CAMK4: variants seen among roughly 807,000 people sequenced by gnomAD.
CAMK4 encodes the protein calcium/calmodulin dependent protein kinase IV.
CAMK4 carries 22 observed loss-of-function variants against 44.9 expected under a neutral mutation model. That is an observed-to-expected ratio of 0.49 (90% CI 0.35 to 0.70). The LOEUF (loss-of-function observed/expected upper bound fraction) is 0.70, where lower values mean the gene tolerates loss of function less well. Ranked by LOEUF, CAMK4 falls within the 30% of genes least tolerant of loss-of-function variation. The probability of loss-of-function intolerance (pLI) is 0.01; values close to 1 mark genes in which losing one functional copy is unlikely to be tolerated. For missense variants in CAMK4, 498 were observed against 586.8 expected, an observed-to-expected ratio of 0.85 and a Z score of 1.56; for synonymous variants, 218 against 215.4, an observed-to-expected ratio of 1.01 and a Z score of -0.11.
At position 111,224,965 on chromosome 5, in the gene CAMK4, C is replaced by G. The variant is rs559939089; in HGVS notation, c.161+321C>G. On this transcript the variant is annotated intron_variant, in intron 1 of 10. Coordinates refer to ENST00000282356, the MANE Select transcript of CAMK4 (RefSeq NM_001744.6). The surrounding 1 kb of genome is among the most constrained non-coding windows in gnomAD (Gnocchi z 5.7). ...CTTTCCCAATTGATATCTTTGCTCA[C>G]GATTATAGCTTGCCAGAGGGTCCTG... is the stretch of plus-strand genomic sequence containing the variant. Among the ~76,000 whole-genome samples the G allele has an allele frequency of 1.3e-5, 2 of 152,116 alleles. No individual in the cohort carries two copies. Among genetic ancestry groups the G allele is most frequent in the South Asian group, 4.1e-4 (2 of 4,828 alleles).
intron 1 of CAMK4, among the ~76,000 whole-genome samples, chr5:111,267,716 A>T (rs1248848910): frequency 1.3e-5 from 2 of 151,394 alleles, no homozygotes; most frequent in East Asian, 3.9e-4. Flanking sequence ...AAAAAAAAAA[A>T]AAAAAAAAAA....
At chr5:111,411,645 G>A (rs1174653089) in intron 5 of CAMK4, among the ~76,000 whole-genome samples, 1 of 152,064 alleles carries the variant, frequency 6.6e-6, no homozygotes, top group Non-Finnish European at 1.5e-5. Flanking sequence ...TCTCCTTTGT[G>A]ATCATCACTA....
At chr5:111,341,871 T>G (rs1749660009) in intron 1 of CAMK4, among the ~76,000 whole-genome samples, 1 of 151,364 alleles carries the variant, frequency 6.6e-6, no homozygotes, top group Non-Finnish European at 1.5e-5. Context: ...CCTTATTATT[T>G]TGCTCACCTC....
intron 1 of CAMK4, among the ~76,000 whole-genome samples, 163 bp from the exon 2 acceptor site, chr5:111,343,859 TAA>T (rs34578342): frequency 0.87 from 131,162 of 151,406 alleles, 57,130 homozygotes; most frequent in East Asian, 1. Flanking sequence ...TCAATTGTGA[TAA>T]AAAAAAAAAT....
chr5:111,361,934 G>A (rs1750608652), intron 2 of CAMK4, among the ~76,000 whole-genome samples: 1 of 151,980 alleles, frequency 6.6e-6, no homozygotes, highest in Admixed American at 6.6e-5. Flanking sequence ...TCTGACTGGG[G>A]TGGAACATTT....
Position 111,407,308 on chromosome 5 carries a change from G to A in CAMK4, c.459+12526G>A, listed in dbSNP as rs191072147. Among the ~76,000 whole-genome samples the A allele has an allele frequency of 6.4e-4, 95 of 149,424 alleles. No individual in the cohort carries two copies. In the East Asian group the frequency reaches 0.016, roughly 26 times the overall value. On this transcript the variant is annotated intron_variant, in intron 5 of 10. Transcript: ENST00000282356. ...GGAGGTTGCAGTAAGCTGAGATCGC[G>A]CCACTGCACTCTAGCCTGGGTGACA...
intron 7 of CAMK4, among the ~76,000 whole-genome samples, chr5:111,457,905 A>G (rs1020425515): frequency 7.2e-5 from 11 of 152,220 alleles, no homozygotes; most frequent in African/African-American, 2.7e-4. Flanking sequence ...CATTTTTACA[A>G]TGAACTTTTA....
intron 7 of CAMK4, among the ~76,000 whole-genome samples, chr5:111,463,155 G>A (rs1754698917): frequency 6.6e-6 from 1 of 152,148 alleles, no homozygotes. Context: ...ATTTTAGGAA[G>A]TGGTAGACAG....
chr5:111,447,712 C>A (rs1754078508), intron 6 of CAMK4, among the ~76,000 whole-genome samples: 2 of 152,180 alleles, frequency 1.3e-5, no homozygotes, highest in African/African-American at 2.4e-5. Flanking sequence ...TCGTGCTAAT[C>A]TGCGAAGTTC....
intron 6 of CAMK4, among the ~76,000 whole-genome samples, chr5:111,447,185 G>C (rs1754059649): frequency 1.3e-5 from 2 of 152,110 alleles, no homozygotes; most frequent in Admixed American, 6.5e-5. Context: ...AAAATATTTA[G>C]CACATATTAG....
intron 1 of CAMK4, among the ~76,000 whole-genome samples, chr5:111,332,173 G>A (rs1011631696): frequency 9.9e-5 from 15 of 151,028 alleles, no homozygotes; most frequent in Non-Finnish European, 1.8e-4. Context: ...CTGGTGTGCT[G>A]CACCCATTAA....
intron 5 of CAMK4, among the ~76,000 whole-genome samples, chr5:111,413,377 G>A (rs1167287896): frequency 6.6e-6 from 1 of 152,052 alleles, no homozygotes; most frequent in Non-Finnish European, 1.5e-5. Flanking sequence ...AGGAGTTTGA[G>A]ACCAGCCTGG....
chr5:111,469,206 T>TATATA (rs1754976242), intron 7 of CAMK4, among the ~76,000 whole-genome samples: 1 of 135,000 alleles, frequency 7.4e-6, no homozygotes, highest in African/African-American at 2.8e-5. Context: ...TATATATATA[T>TATATA]TTGAAAGTTA....
intron 5 of CAMK4, among the ~76,000 whole-genome samples, chr5:111,407,244 G>A (rs539881821): frequency 3.3e-5 from 5 of 151,774 alleles, no homozygotes; most frequent in African/African-American, 7.2e-5. Context: ...CCACCTACTC[G>A]AGAGGCTGAG....
rs550884531 is a variant in CAMK4 at position 111,389,484 on chromosome 5, A to G, written c.387-5226A>G. On this transcript the variant is annotated intron_variant, in intron 4 of 10. Coordinates refer to ENST00000282356, the MANE Select transcript of CAMK4 (RefSeq NM_001744.6). ...GGAGATTGTAGTGGGTGAAGCACCT[A>G]CTTTATGAAGAGTGATGATGCCTCT... Among the ~76,000 whole-genome samples, 379 of 152,306 alleles carry G rather than the reference A, an allele frequency of 2.5e-3. 2 individuals carry two copies. Among genetic ancestry groups the G allele is most frequent in the African/African-American group, 8.9e-3 (369 of 41,568 alleles).
At chr5:111,254,278 T>C (rs1749643096) in intron 1 of CAMK4, among the ~76,000 whole-genome samples, 1 of 152,178 alleles carries the variant, frequency 6.6e-6, no homozygotes, top group Non-Finnish European at 1.5e-5. Flanking sequence ...GAAATGAATT[T>C]AGGGTAGGGG....
intron 2 of CAMK4, among the ~76,000 whole-genome samples, chr5:111,351,317 C>T (rs1010152887): frequency 1.3e-5 from 2 of 152,120 alleles, no homozygotes; most frequent in Non-Finnish European, 2.9e-5. Context: ...GACATTAGCT[C>T]CCACATCCAC....
chr5:111,270,228 T>G (rs1302499118), intron 1 of CAMK4: 2 of 152,204 alleles, frequency 1.3e-5, no homozygotes, highest in Non-Finnish European at 2.9e-5. Context: ...AAAATAAAAG[T>G]TAGTTGATAT....
intron 2 of CAMK4, among the ~76,000 whole-genome samples, chr5:111,368,896 G>T (rs1368182084): frequency 6.6e-6 from 1 of 151,752 alleles, no homozygotes; most frequent in African/African-American, 2.4e-5. Context: ...GCAGAAATGA[G>T]ACTATATTGA....
Sources: allele counts gnomAD v4.1 joint callset (sites outside exome capture counted in the v4.1 genomes callset), GRCh38; gene constraint gnomAD v4.1.1; non-coding constraint Gnocchi (gnomAD v3.1); transcripts MANE v1.5; gene names NCBI Gene and HGNC (gene_info 2026-07-23, HGNC 2026-07-21).